The following ST6GALNAC3 variants were observed in gnomAD, a reference collection of about 807,000 sequenced individuals.
ST6GALNAC3 encodes the protein ST6 N-acetylgalactosaminide alpha-2,6-sialyltransferase 3.
Under a neutral mutation model 32.7 loss-of-function variants are expected in ST6GALNAC3, and 25 were observed. That is an observed-to-expected ratio of 0.76 (90% CI 0.56 to 1.07). The LOEUF (loss-of-function observed/expected upper bound fraction) is 1.07. ST6GALNAC3 is among the 50% of genes least tolerant of loss of function. The probability of loss-of-function intolerance (pLI) is 0.00; values close to 1 mark genes in which losing one functional copy is unlikely to be tolerated. For synonymous variants in ST6GALNAC3, 129 were observed against 133.1 expected (o/e 0.97, Z 0.21); for missense variants, 355 against 382.4 (o/e 0.93, Z 0.60).
intron 1 of ST6GALNAC3, among the ~76,000 whole-genome samples, chr1:76,150,506 C>T (rs1271093459): frequency 6.6e-6 from 1 of 152,160 alleles, no homozygotes; most frequent in Non-Finnish European, 1.5e-5. Flanking sequence ...ACATCTTCTG[C>T]CTTGGAATTT....
chr1:76,223,938 A>G (rs1462339170), intron 1 of ST6GALNAC3, among the ~76,000 whole-genome samples: 1 of 152,206 alleles, frequency 6.6e-6, no homozygotes, highest in Non-Finnish European at 1.5e-5. Context: ...TTCTGTGTGT[A>G]GAGGATCCAG....
At position 76,376,103 on chromosome 1, in the gene ST6GALNAC3, CT is replaced by C. The variant is rs1284309025; in HGVS notation, c.214-35894del. Among the ~76,000 whole-genome samples the C allele has an allele frequency of 3.7e-3, 357 of 97,668 alleles. 4 individuals carry two copies. Among genetic ancestry groups the C allele is most frequent in the African/African-American group, 9.4e-3 (309 of 32,918 alleles). The allele number at this position is 97,668 out of a possible 152,430, so 64.1% of individuals were successfully genotyped here. On this transcript the variant is annotated intron_variant, in intron 2 of 4. Coordinates refer to ENST00000328299, the MANE Select transcript of ST6GALNAC3 (RefSeq NM_152996.4). The stretch of plus-strand genomic sequence containing the variant: ...TATATTTCCTCCTTCTCCCCTAAAC[CT>C]TTTTTTTTTTAAAAAAAGAAAACAT...
chr1:76,520,282 C>T (rs1163720091), intron 3 of ST6GALNAC3, among the ~76,000 whole-genome samples: 1 of 152,140 alleles, frequency 6.6e-6, no homozygotes, highest in African/African-American at 2.4e-5. Flanking sequence ...AAGAGAGACA[C>T]ATAAAGGGCC....
intron 1 of ST6GALNAC3, among the ~76,000 whole-genome samples, chr1:76,159,709 G>A (rs2100370679): frequency 2.0e-5 from 3 of 152,304 alleles, no homozygotes; most frequent in African/African-American, 7.2e-5. Flanking sequence ...AACCAGACAT[G>A]AAAACAACTA....
chr1:76,094,565 A>C (rs2100757528), intron 1 of ST6GALNAC3, among the ~76,000 whole-genome samples: 1 of 152,126 alleles, frequency 6.6e-6, no homozygotes, highest in African/African-American at 2.4e-5. Context: ...CAGAGCCGGG[A>C]TTGTGAACTG....
chr1:76,319,873 AC>A (rs1646934877), intron 2 of ST6GALNAC3, among the ~76,000 whole-genome samples: 1 of 152,184 alleles, frequency 6.6e-6, no homozygotes, highest in African/African-American at 2.4e-5. Context: ...GCATGTCTGT[AC>A]CATGCTCTTA....
At chr1:76,134,477 A>G (rs1649812451) in intron 1 of ST6GALNAC3, among the ~76,000 whole-genome samples, 1 of 152,234 alleles carries the variant, frequency 6.6e-6, no homozygotes, top group Non-Finnish European at 1.5e-5. Context: ...TGTCACTGCC[A>G]TGCTGTGGAG....
chr1:76,620,677 C>A (rs1648578616), intron 3 of ST6GALNAC3, among the ~76,000 whole-genome samples: 2 of 152,010 alleles, frequency 1.3e-5, no homozygotes, highest in African/African-American at 2.4e-5. Flanking sequence ...CCCTGCTAAT[C>A]TCATGTAAAG....
At chr1:76,166,309 G>T (rs898895044) in intron 1 of ST6GALNAC3, among the ~76,000 whole-genome samples, 2 of 152,090 alleles carry the variant, frequency 1.3e-5, no homozygotes, top group East Asian at 3.9e-4. Flanking sequence ...TCAGATAGTT[G>T]TAGGTGTATG....
At chr1:76,474,471 C>A (rs12124525) in intron 3 of ST6GALNAC3, among the ~76,000 whole-genome samples, 1 of 151,994 alleles carries the variant, frequency 6.6e-6, no homozygotes, top group African/African-American at 2.4e-5. Context: ...AGATTGTGAA[C>A]AGCAATATGG....
intron 3 of ST6GALNAC3, among the ~76,000 whole-genome samples, chr1:76,416,698 G>C (rs991615610): frequency 1.5e-5 from 2 of 132,502 alleles, no homozygotes; most frequent in Non-Finnish European, 3.1e-5. Flanking sequence ...CATGATCTCT[G>C]TTCACTACAA....
chr1:76,165,509 G>A (rs1027864368), intron 1 of ST6GALNAC3, among the ~76,000 whole-genome samples: 2 of 152,148 alleles, frequency 1.3e-5, no homozygotes, highest in Non-Finnish European at 2.9e-5. Flanking sequence ...ATAATAGAAT[G>A]ATTTGTATTT....
At chr1:76,508,521 A>G (rs11162170) in intron 3 of ST6GALNAC3, among the ~76,000 whole-genome samples, 32,673 of 152,118 alleles carry the variant, frequency 0.21, 8,054 homozygotes, top group African/African-American at 0.61. Context: ...CTAGGAAGGC[A>G]GCATTGTGTT....
intron 1 of ST6GALNAC3, among the ~76,000 whole-genome samples, chr1:76,232,679 T>G (rs1656436328): frequency 6.6e-6 from 1 of 152,228 alleles, no homozygotes; most frequent in Admixed American, 6.5e-5. Context: ...ACCAAGTCCC[T>G]GCCCCTTAGT....
chr1:76,482,081 C>T (rs1447446960), intron 3 of ST6GALNAC3, among the ~76,000 whole-genome samples: 1 of 151,970 alleles, frequency 6.6e-6, no homozygotes, highest in Admixed American at 6.6e-5. Context: ...ATGAGACACA[C>T]CTTTTTATGC....
intron 2 of ST6GALNAC3, among the ~76,000 whole-genome samples, chr1:76,372,496 C>A (rs1003270523): frequency 6.6e-6 from 1 of 151,944 alleles, no homozygotes; most frequent in African/African-American, 2.4e-5. Flanking sequence ...ATTCTCAATT[C>A]TTTTTCCTCT....
intron 2 of ST6GALNAC3, among the ~76,000 whole-genome samples, chr1:76,320,860 A>C (rs763686141): frequency 7.9e-5 from 12 of 152,200 alleles, no homozygotes; most frequent in South Asian, 4.1e-4. Context: ...ATCAAGTTCT[A>C]GCCACTTAAA....
intron 3 of ST6GALNAC3, among the ~76,000 whole-genome samples, chr1:76,555,338 T>C (rs7412574): frequency 6.6e-6 from 1 of 152,162 alleles, no homozygotes; most frequent in Non-Finnish European, 1.5e-5. Flanking sequence ...GGAATTGAAT[T>C]CTAGTTTCTG....
chr1:76,524,531 C>T (rs866240835), intron 3 of ST6GALNAC3, among the ~76,000 whole-genome samples: 2 of 152,074 alleles, frequency 1.3e-5, no homozygotes, highest in African/African-American at 2.4e-5. Flanking sequence ...TACCATAATA[C>T]TTAGCATATG....
Sources: gnomAD v4.1 joint callset for allele counts (sites outside exome capture counted in the v4.1 genomes callset) on GRCh38, gnomAD v4.1.1 for gene constraint, MANE v1.5 for transcripts, NCBI Gene and HGNC (gene_info 2026-07-23, HGNC 2026-07-21) for gene names.